Variants in CCDC148 observed in about 807,000 individuals in gnomAD.
The protein encoded by CCDC148 is coiled-coil domain-containing protein 148.
A neutral mutation model predicts 85.7 loss-of-function variants in CCDC148; 89 were observed. The observed-to-expected ratio is 1.04, with a 90% CI of 0.87 to 1.24. The LOEUF is 1.24. Ranked by LOEUF, CCDC148 falls within the 50% of genes most tolerant of loss-of-function variation. The probability of loss-of-function intolerance (pLI) is 0.00; values close to 1 mark genes in which losing one functional copy is unlikely to be tolerated. For synonymous variants in CCDC148, 230 were observed against 213.9 expected (o/e 1.08, Z -0.66); for missense variants, 692 against 671.7 (o/e 1.03, Z -0.33).
chr2:158,246,510 G>A (rs948004507), intron 10 of CCDC148, among the ~76,000 whole-genome samples: 3 of 151,996 alleles, frequency 2.0e-5, no homozygotes, highest in African/African-American at 7.2e-5. Flanking sequence ...CACTGCCCCA[G>A]TGCCAAAAAT....
At chr2:158,431,528 C>T (rs958403547) in intron 1 of CCDC148, among the ~76,000 whole-genome samples, 2 of 151,078 alleles carry the variant, frequency 1.3e-5, no homozygotes, top group Non-Finnish European at 2.9e-5. Flanking sequence ...CCTACACACG[C>T]TGTGAAATAT....
intron 9 of CCDC148, among the ~76,000 whole-genome samples, chr2:158,261,435 A>G (rs994507945): frequency 6.6e-6 from 1 of 152,122 alleles, no homozygotes; most frequent in Non-Finnish European, 1.5e-5. Flanking sequence ...AACCTAGGCA[A>G]TACCATCCTG....
At chr2:158,273,089 T>C (rs1280378772) in intron 9 of CCDC148, among the ~76,000 whole-genome samples, 2 of 152,146 alleles carry the variant, frequency 1.3e-5, no homozygotes, top group Non-Finnish European at 2.9e-5. Flanking sequence ...TAACTGGCTA[T>C]GAAAAAAGAA....
intron 1 of CCDC148, among the ~76,000 whole-genome samples, chr2:158,436,633 G>T (rs946255656): frequency 2.0e-5 from 3 of 151,426 alleles, no homozygotes; most frequent in Non-Finnish European, 2.9e-5. Flanking sequence ...GATCAGAGCA[G>T]AACGGAAGGA....
chr2:158,391,387 T>C (rs1685301440), intron 1 of CCDC148, among the ~76,000 whole-genome samples: 1 of 152,166 alleles, frequency 6.6e-6, no homozygotes, highest in Non-Finnish European at 1.5e-5. Flanking sequence ...ATCATAAAAT[T>C]TTAGAGAACA....
chr2:158,221,904 G>T (rs950313729), intron 10 of CCDC148, among the ~76,000 whole-genome samples: 1 of 152,092 alleles, frequency 6.6e-6, no homozygotes, highest in South Asian at 2.1e-4. Flanking sequence ...GAGAGAGAGG[G>T]TGGGTGCAGG....
At chr2:158,221,692 G>A (rs1395185996) in intron 10 of CCDC148, among the ~76,000 whole-genome samples, 2 of 152,158 alleles carry the variant, frequency 1.3e-5, no homozygotes, top group Non-Finnish European at 2.9e-5. Context: ...TGATTTCTGG[G>A]AGAATCAAAA....
intron 11 of CCDC148, among the ~76,000 whole-genome samples, chr2:158,215,178 G>A (rs1184504664): frequency 6.6e-6 from 1 of 152,146 alleles, no homozygotes; most frequent in African/African-American, 2.4e-5. Flanking sequence ...GGGTAAAGAT[G>A]AATCATTAAA....
intron 9 of CCDC148, among the ~76,000 whole-genome samples, chr2:158,287,319 TCCAATAGTTCC>T (rs1168597571): frequency 6.6e-6 from 1 of 152,114 alleles, no homozygotes; most frequent in African/African-American, 2.4e-5. Flanking sequence ...ATCATGCCTT[TCCAATAGTTCC>T]CCAAAGTCTC....
At chr2:158,209,982 G>A (rs1686470303) in intron 11 of CCDC148, among the ~76,000 whole-genome samples, 1 of 152,070 alleles carries the variant, frequency 6.6e-6, no homozygotes, top group South Asian at 2.1e-4. Flanking sequence ...AAATGTAAAT[G>A]GGCTAAATGC....
intron 1 of CCDC148, among the ~76,000 whole-genome samples, chr2:158,408,862 C>T (rs1005642975): frequency 1.3e-5 from 2 of 152,064 alleles, no homozygotes; most frequent in East Asian, 3.9e-4. Flanking sequence ...CTGATAATAG[C>T]CATTCTAACT....
At position 158,171,874 on chromosome 2, in the gene CCDC148, G is replaced by T. The variant is rs908827511; in HGVS notation, c.*239C>A. 3.0e-6 allele frequency: 1 copy of T among 336,364 alleles called. No homozygotes were observed. The highest frequency in any genetic ancestry group is 2.2e-5 in the African/African-American group (1 of 45,932). The allele number at this position is 336,364 out of a possible 1,614,324, so 20.8% of individuals were successfully genotyped here. A position where few individuals can be genotyped will look rare whatever the true frequency, so the allele number is the denominator to read the frequency against. ...CTAAATTATAGTATAAGTACTATAT[G>T]TGCCATAATTAAGTTCCATAATTTG... On this transcript the variant is annotated 3_prime_UTR_variant, in exon 14 of 14. Transcript: ENST00000283233.
rs1039211680 is a variant in CCDC148 at position 158,264,857 on chromosome 2, G to A, written c.1111-13945C>T. On this transcript the variant is annotated intron_variant, in intron 9 of 13. Coordinates refer to ENST00000283233, the MANE Select transcript of CCDC148 (RefSeq NM_138803.4). ...TTCCATAAAGTCTTAGTTAACCTCTGAAATGAATGTTCTGAGTAGATAAAC... is the reference window on the plus strand; with the variant it reads ...TTCCATAAAGTCTTAGTTAACCTCTAAAATGAATGTTCTGAGTAGATAAAC... Among the ~76,000 whole-genome samples, 7 of 152,228 alleles carry A rather than the reference G, an allele frequency of 4.6e-5. No homozygotes were observed. The East Asian group carries it at 1.4e-3, about 29-fold the overall frequency.
chr2:158,386,827 G>A (rs1396929333), intron 1 of CCDC148, among the ~76,000 whole-genome samples: 1 of 151,914 alleles, frequency 6.6e-6, no homozygotes, highest in African/African-American at 2.4e-5. Context: ...CCCCTCATAT[G>A]CACAGAACAA....
At chr2:158,361,430 G>C (rs1683941170) in intron 1 of CCDC148, among the ~76,000 whole-genome samples, 1 of 152,116 alleles carries the variant, frequency 6.6e-6, no homozygotes, top group Non-Finnish European at 1.5e-5. Flanking sequence ...AGAGAGAAAG[G>C]TTGGTTACCC....
intron 10 of CCDC148, among the ~76,000 whole-genome samples, chr2:158,240,450 TCTCA>T (rs1284077304): frequency 0.045 from 4,146 of 92,462 alleles, 87 homozygotes; most frequent in African/African-American, 0.085. Flanking sequence ...TCTCTCTCTC[TCTCA>T]CACACACACA....
At chr2:158,359,759 G>A (rs62184107) in intron 1 of CCDC148, among the ~76,000 whole-genome samples, 8,812 of 152,220 alleles carry the variant, frequency 0.058, 361 homozygotes, top group Non-Finnish European at 0.081. Context: ...CATTACAGCA[G>A]ACACCAAGCT....
chr2:158,262,742 C>G (rs1273121319), intron 9 of CCDC148, among the ~76,000 whole-genome samples: 2 of 151,970 alleles, frequency 1.3e-5, no homozygotes, highest in Non-Finnish European at 2.9e-5. Context: ...ATCATGAGAA[C>G]AGCATGGAGA....
At chr2:158,279,374 T>C (rs1475075360) in intron 9 of CCDC148, among the ~76,000 whole-genome samples, 3 of 152,040 alleles carry the variant, frequency 2.0e-5, no homozygotes, top group Non-Finnish European at 2.9e-5. Flanking sequence ...GTTAAAAACT[T>C]TGAAAAAAAT....
Sources: allele counts gnomAD v4.1 joint callset (sites outside exome capture counted in the v4.1 genomes callset), GRCh38; gene constraint gnomAD v4.1.1; transcripts MANE v1.5; gene names NCBI Gene and HGNC (gene_info 2026-07-23, HGNC 2026-07-21).